Variants in SGMS1 observed in about 807,000 individuals in gnomAD.
SGMS1 encodes the protein sphingomyelin synthase 1, also known as phosphatidylcholine:ceramide cholinephosphotransferase 1.
In SGMS1, 13 loss-of-function variants were observed where a neutral mutation model predicts 46.2. The ratio of observed to expected loss-of-function variants is 0.28; its 90% CI spans 0.18 to 0.45. The LOEUF (loss-of-function observed/expected upper bound fraction) is 0.45, where lower values mean the gene tolerates loss of function less well. SGMS1 is among the 20% of genes least tolerant of loss of function. The pLI is 1.00. For synonymous variants in SGMS1, 203 were observed against 187.8 expected (o/e 1.08, Z -0.66); for missense variants, 324 against 519.9 (o/e 0.62, Z 3.66).
chr10:50,497,464 T>G (rs920767276), intron 3 of SGMS1, among the ~76,000 whole-genome samples: 1 of 152,186 alleles, frequency 6.6e-6, no homozygotes, highest in African/African-American at 2.4e-5. Flanking sequence ...CCAGTGAGAT[T>G]ATGCAAGAGA....
intron 2 of SGMS1, among the ~76,000 whole-genome samples, chr10:50,550,969 C>T (rs1341206164): frequency 1.3e-5 from 2 of 152,044 alleles, no homozygotes; most frequent in Non-Finnish European, 2.9e-5. Flanking sequence ...TAAATGGGAG[C>T]GAATATGCAA....
Position 50,477,560 on chromosome 10 carries a change from C to T in SGMS1, c.-497-10628G>A, listed in dbSNP as rs1014716077. 2.6e-5 allele frequency among the ~76,000 whole-genome samples: 4 copies of T among 152,070 alleles called. No individual in the cohort carries two copies. The South Asian group carries it at 6.2e-4, about 24-fold the overall frequency. The stretch of plus-strand genomic sequence containing the variant: ...TGAAATGTGAGAAGGACATGAGATT[C>T]GGGAGGAGCCAGGGGCAGAATGATA... On this transcript the variant is annotated intron_variant, in intron 3 of 10. Coordinates refer to ENST00000361781, the MANE Select transcript of SGMS1 (RefSeq NM_147156.4).
intron 5 of SGMS1, among the ~76,000 whole-genome samples, chr10:50,449,679 A>C (rs1837076278): frequency 6.6e-6 from 1 of 151,624 alleles, no homozygotes; most frequent in African/African-American, 2.4e-5. Flanking sequence ...ACATGCCCCA[A>C]TTAGACTTAC....
intron 2 of SGMS1, among the ~76,000 whole-genome samples, chr10:50,559,843 T>C (rs1409627559): frequency 6.6e-6 from 1 of 152,080 alleles, no homozygotes; most frequent in Non-Finnish European, 1.5e-5. Context: ...TAGGTAAAAT[T>C]ATAAGTAATT....
At chr10:50,575,553 T>TA (rs1838376476) in intron 2 of SGMS1, among the ~76,000 whole-genome samples, 1 of 152,048 alleles carries the variant, frequency 6.6e-6, no homozygotes, top group Non-Finnish European at 1.5e-5. Flanking sequence ...CAAAAATAAA[T>TA]AAACTTTAAA....
At chr10:50,563,078 G>A (rs1838255583) in intron 2 of SGMS1, among the ~76,000 whole-genome samples, 1 of 152,214 alleles carries the variant, frequency 6.6e-6, no homozygotes, top group African/African-American at 2.4e-5. Context: ...AGCCTAGAGA[G>A]CATGAGAGCA....
chr10:50,514,545 A>G (rs1837785664), intron 3 of SGMS1, among the ~76,000 whole-genome samples: 2 of 152,168 alleles, frequency 1.3e-5, no homozygotes, highest in African/African-American at 4.8e-5. Flanking sequence ...AATCACATCT[A>G]TAGTCTTTTG....
intron 1 of SGMS1, among the ~76,000 whole-genome samples, chr10:50,593,641 T>G (rs1838563308): frequency 6.6e-6 from 1 of 152,104 alleles, no homozygotes; most frequent in Admixed American, 6.5e-5. Flanking sequence ...TCTTTATGGT[T>G]TTGCCACATA....
In SGMS1 at chr10:50,343,492, T is replaced by C. The variant is rs763510734; in HGVS notation, c.623A>G (p.Lys208Arg). 2.5e-6 allele frequency: 4 copies of C among 1,591,942 alleles called. No homozygotes were observed. The highest frequency in any genetic ancestry group is 2.3e-5 in the South Asian group (2 of 88,578). Reference protein sequence around the residue: ...WLIQWLLLKYKSIISRRFFCI... With the variant: ...WLIQWLLLKYRSIISRRFFCI... ...ATCTTAGAGCTTTTACTTGACTTAC[T>C]TGTATTTTAAGAGCAGCCACTGAAT... The change falls in exon 7 of 11, where the codon AAG becomes AGG. Residue 208 changes from lysine (K) to arginine (R), a missense_variant and splice_region_variant. This residue lies in a region of SGMS1 where 174 missense variants were observed against 350.1 expected (regional missense o/e 0.50). Transcript: ENST00000361781.
intron 6 of SGMS1, among the ~76,000 whole-genome samples, chr10:50,370,276 A>C (rs1376323548): frequency 6.6e-6 from 1 of 152,152 alleles, no homozygotes; most frequent in African/African-American, 2.4e-5. Context: ...ATTTTACCTT[A>C]TAAATTTTCT....
At chr10:50,426,135 A>C (rs1849323305) in intron 6 of SGMS1, among the ~76,000 whole-genome samples, 1 of 152,242 alleles carries the variant, frequency 6.6e-6, no homozygotes, top group Admixed American at 6.5e-5. Context: ...AAAATGATTT[A>C]ATGAAAAACA....
Position 50,306,305 on chromosome 10 carries a change from G to A in SGMS1, c.*837C>T, listed in dbSNP as rs1368793153. On this transcript the variant is annotated 3_prime_UTR_variant, in exon 11 of 11. Coordinates refer to ENST00000361781, the MANE Select transcript of SGMS1 (RefSeq NM_147156.4). ...AGCTATAAATGCAAAATTTAGTAGTGTATACATATATTTATATTTTCAAGG... is the reference window on the plus strand; with the variant it reads ...AGCTATAAATGCAAAATTTAGTAGTATATACATATATTTATATTTTCAAGG... 6.6e-6 allele frequency: 1 copy of A among 152,376 alleles called. No individual in the cohort carries two copies. The highest frequency in any genetic ancestry group is 1.5e-5 in the Non-Finnish European group (1 of 67,974). 9.4% of individuals were successfully genotyped at this position (152,376 alleles called of 1,614,324 possible). A position where few individuals can be genotyped will look rare whatever the true frequency, so the allele number is the denominator to read the frequency against.
At chr10:50,622,444 G>C (rs1301438443) in intron 1 of SGMS1, among the ~76,000 whole-genome samples, 1 of 152,134 alleles carries the variant, frequency 6.6e-6, no homozygotes, top group Non-Finnish European at 1.5e-5. Context: ...TCACAGCACA[G>C]CACATCAGAC....
In SGMS1 at chr10:50,319,601, A is replaced by T. The variant is rs530599367; in HGVS notation, c.741+7604T>A. Among the ~76,000 whole-genome samples, 21 of 152,234 alleles carry T rather than the reference A, an allele frequency of 1.4e-4. No homozygotes were observed. The South Asian group carries it at 4.2e-3, about 30-fold the overall frequency. On this transcript the variant is annotated intron_variant, in intron 8 of 10. Transcript: ENST00000361781. Reference sequence around the variant, plus strand: ...TTGTCAGTCTTTTTTTCCCCATGACACTGAAGAGTCCAATCCAGTTTCTTT... The same window carrying T: ...TTGTCAGTCTTTTTTTCCCCATGACTCTGAAGAGTCCAATCCAGTTTCTTT...
intron 6 of SGMS1, among the ~76,000 whole-genome samples, chr10:50,428,305 C>T (rs543684418): frequency 6.6e-6 from 1 of 152,070 alleles, no homozygotes; most frequent in Non-Finnish European, 1.5e-5. Context: ...GCAGGCCATA[C>T]CTATTAAAGT....
At chr10:50,475,435 T>G (rs1837412290) in intron 3 of SGMS1, among the ~76,000 whole-genome samples, 1 of 152,354 alleles carries the variant, frequency 6.6e-6, no homozygotes, top group Non-Finnish European at 1.5e-5. Context: ...TTTTCAAAAA[T>G]TACTCTTTAG....
rs553629241 is a variant in SGMS1 at position 50,569,113 on chromosome 10, G to A, written c.-589+21040C>T. On this transcript the variant is annotated intron_variant, in intron 2 of 10. Coordinates refer to ENST00000361781, the MANE Select transcript of SGMS1 (RefSeq NM_147156.4). ...TGGGAATTGAACAATGAGAACACATGGTCACAGGGAGGGGAACATCACACA... is the reference window on the plus strand; with the variant it reads ...TGGGAATTGAACAATGAGAACACATAGTCACAGGGAGGGGAACATCACACA... Among the ~76,000 whole-genome samples the A allele has an allele frequency of 3.3e-5, 5 of 151,862 alleles. No homozygotes were observed. In the South Asian group the frequency reaches 6.3e-4, roughly 19 times the overall value.
chr10:50,612,185 C>T (rs188590275), intron 1 of SGMS1, among the ~76,000 whole-genome samples: 68 of 152,378 alleles, frequency 4.5e-4, no homozygotes, highest in African/African-American at 1.6e-3. Flanking sequence ...GCATCTTCCA[C>T]CTGCCAAGCT....
intron 8 of SGMS1, among the ~76,000 whole-genome samples, chr10:50,314,880 C>T (rs1847314481): frequency 2.0e-5 from 3 of 152,064 alleles, no homozygotes; most frequent in South Asian, 4.2e-4. Flanking sequence ...ACAATCATAC[C>T]GCTGCACTTC....
Sources: gnomAD v4.1 joint callset for allele counts (sites outside exome capture counted in the v4.1 genomes callset) on GRCh38, gnomAD v4.1.1 for gene constraint, gnomAD v4.1.1 regional missense constraint, MANE v1.5 for transcripts, NCBI Gene and HGNC (gene_info 2026-07-23, HGNC 2026-07-21) for gene names.